CACNA2D3: variants seen among roughly 807,000 people sequenced by gnomAD.
CACNA2D3 encodes calcium voltage-gated channel auxiliary subunit alpha2delta 3.
A neutral mutation model predicts 160.6 loss-of-function variants in CACNA2D3; 60 were observed. The observed-to-expected ratio is 0.37, with a 90% confidence interval of 0.30 to 0.46. The LOEUF is 0.46. Ranked by LOEUF, CACNA2D3 falls within the 20% of genes least tolerant of loss-of-function variation. The probability of loss-of-function intolerance (pLI) is 1.00; values close to 1 mark genes in which losing one functional copy is unlikely to be tolerated. For missense variants in CACNA2D3, 1,205 were observed against 1,365.0 expected (o/e 0.88, Z 1.85); for synonymous variants, 558 against 492.9 (o/e 1.13, Z -1.75).
At chr3:54,713,773 C>G (rs999748491) in intron 11 of CACNA2D3, among the ~76,000 whole-genome samples, 3 of 152,170 alleles carry the variant, frequency 2.0e-5, no homozygotes, top group African/African-American at 7.2e-5. Context: ...AGCCACTCTC[C>G]TGCCTGGCTG....
chr3:54,593,955 C>G (rs1702906904), intron 9 of CACNA2D3, among the ~76,000 whole-genome samples: 1 of 152,036 alleles, frequency 6.6e-6, no homozygotes, highest in Non-Finnish European at 1.5e-5. Flanking sequence ...ATGCTCAATT[C>G]TTTTTTTATA....
At chr3:54,811,211 A>G (rs1351164880) in intron 13 of CACNA2D3, among the ~76,000 whole-genome samples, 1 of 152,096 alleles carries the variant, frequency 6.6e-6, no homozygotes, top group African/African-American at 2.4e-5. Flanking sequence ...ATTTTGGACA[A>G]AACTGAGCTC....
At chr3:54,253,842 G>A (rs1003975113) in intron 2 of CACNA2D3, among the ~76,000 whole-genome samples, 4 of 151,960 alleles carry the variant, frequency 2.6e-5, no homozygotes, top group East Asian at 1.9e-4. Context: ...ATCTCGGCTC[G>A]CTGCAACCTC....
chr3:54,751,802 A>G (rs144119794), intron 11 of CACNA2D3, among the ~76,000 whole-genome samples: 26 of 152,100 alleles, frequency 1.7e-4, no homozygotes, highest in African/African-American at 5.8e-4. Flanking sequence ...CACATGGCCC[A>G]TCCGAAGGGT....
At chr3:54,293,326 T>C (rs192483454) in intron 2 of CACNA2D3, among the ~76,000 whole-genome samples, 3 of 152,278 alleles carry the variant, frequency 2.0e-5, no homozygotes, top group African/African-American at 7.2e-5. Flanking sequence ...CGGTACCCGA[T>C]GTGTAGTCTT....
At chr3:54,394,207 T>TA in intron 4 of CACNA2D3, among the ~76,000 whole-genome samples, 1 of 152,156 alleles carries the variant, frequency 6.6e-6, no homozygotes, top group African/African-American at 2.4e-5. Flanking sequence ...GGGTCAGAGT[T>TA]ACAACTACAA....
At chr3:54,309,978 A>C (rs1246967497) in intron 2 of CACNA2D3, among the ~76,000 whole-genome samples, 2 of 151,826 alleles carry the variant, frequency 1.3e-5, no homozygotes, top group East Asian at 3.9e-4. Context: ...CATCATTTCT[A>C]AAACAGTCTT....
intron 4 of CACNA2D3, among the ~76,000 whole-genome samples, chr3:54,436,458 A>G (rs897135148): frequency 3.3e-5 from 5 of 152,186 alleles, no homozygotes; most frequent in South Asian, 2.1e-4. Context: ...AAATCATTCT[A>G]CTATAAAGTC....
At chr3:54,903,846 TG>T (rs1700393792) in intron 27 of CACNA2D3, among the ~76,000 whole-genome samples, 1 of 152,230 alleles carries the variant, frequency 6.6e-6, no homozygotes, top group African/African-American at 2.4e-5. Flanking sequence ...GTGAGCTGCA[TG>T]TATGTCTTCT....
chr3:54,790,051 T>G (rs1341403752), intron 13 of CACNA2D3, among the ~76,000 whole-genome samples: 1 of 152,208 alleles, frequency 6.6e-6, no homozygotes, highest in African/African-American at 2.4e-5. Flanking sequence ...ATGTCACTTA[T>G]GGAGTGATTC....
intron 13 of CACNA2D3, among the ~76,000 whole-genome samples, chr3:54,769,334 G>C (rs1388817637): frequency 2.0e-5 from 3 of 152,104 alleles, no homozygotes; most frequent in African/African-American, 7.2e-5. Flanking sequence ...TAGACTCCAC[G>C]AGCACTTGGC....
At chr3:54,925,166 G>A (rs760008470) in intron 27 of CACNA2D3, 1 of 1,614,052 alleles carries the variant, frequency 6.2e-7, no homozygotes, top group South Asian at 1.1e-5. Flanking sequence ...CCGGGCAGCT[G>A]CATACCACCT....
chr3:54,923,865 T>G (rs1242635722), intron 27 of CACNA2D3, among the ~76,000 whole-genome samples: 1 of 152,222 alleles, frequency 6.6e-6, no homozygotes, highest in African/African-American at 2.4e-5. Context: ...AAGGGCCAGA[T>G]AGACAATACA....
In CACNA2D3 at chr3:54,570,038, C is replaced by G; in HGVS notation, c.822C>G (p.Ile274Met). 1.2e-6 allele frequency: 2 copies of G among 1,613,968 alleles called. No homozygotes were observed. The highest frequency in any genetic ancestry group is 1.7e-6 in the Non-Finnish European group (2 of 1,179,818). ...GCATGAAAGGACTCCGTCTGACTAT[C>G]GCGAAGCAAACAGTCTCATCCATTT... ...SGSMKGLRLT[I>M]AKQTVSSILD... The change falls in exon 8 of 38, where the codon ATC becomes ATG. Residue 274 changes from isoleucine (I) to methionine (M), a missense_variant. Physicochemically the swap from Ile to Met is conservative, Grantham distance 10. Around this residue, in one of 3 missense-constraint regions of CACNA2D3, gnomAD observed 131 missense variants for 201.5 expected, o/e 0.65. Coordinates refer to ENST00000474759, the MANE Select transcript of CACNA2D3 (RefSeq NM_018398.3).
intron 11 of CACNA2D3, among the ~76,000 whole-genome samples, chr3:54,698,806 G>A (rs1700712278): frequency 6.6e-6 from 1 of 152,056 alleles, no homozygotes; most frequent in Non-Finnish European, 1.5e-5. Flanking sequence ...TTATAAATTG[G>A]TGCATGGGCA....
At chr3:55,068,797 C>A (rs1350059480) in intron 35 of CACNA2D3, among the ~76,000 whole-genome samples, 1 of 152,044 alleles carries the variant, frequency 6.6e-6, no homozygotes, top group Non-Finnish European at 1.5e-5. Flanking sequence ...TTCTTTCTTA[C>A]AGTGAACGTT....
intron 2 of CACNA2D3, among the ~76,000 whole-genome samples, chr3:54,148,610 G>T (rs1007720957): frequency 3.3e-5 from 5 of 152,162 alleles, no homozygotes; most frequent in Non-Finnish European, 5.9e-5. Context: ...ACCACAGGTG[G>T]CTGTGTTTTC....
chr3:54,149,877 G>GTGTC (rs757018890), intron 2 of CACNA2D3, among the ~76,000 whole-genome samples: 1,678 of 105,378 alleles, frequency 0.016, 230 homozygotes, highest in Middle Eastern at 0.03. Flanking sequence ...CTGTCCTGAA[G>GTGTC]TATCTGTCTC....
At chr3:54,583,891 A>G (rs1452097720) in intron 9 of CACNA2D3, among the ~76,000 whole-genome samples, 1 of 151,950 alleles carries the variant, frequency 6.6e-6, no homozygotes, top group Non-Finnish European at 1.5e-5. Flanking sequence ...TGGACCAACA[A>G]TAGGCACAGA....
Sources: allele counts gnomAD v4.1 joint callset (sites outside exome capture counted in the v4.1 genomes callset), GRCh38; gene constraint gnomAD v4.1.1; regional missense constraint gnomAD v4.1.1; transcripts MANE v1.5; gene names NCBI Gene and HGNC (gene_info 2026-07-23, HGNC 2026-07-21).